Variants in ZBTB16 observed in about 807,000 individuals in gnomAD.
ZBTB16 encodes the protein zinc finger and BTB domain-containing protein 16.
ZBTB16 carries 8 observed loss-of-function variants against 56.8 expected under a neutral mutation model. That is an observed-to-expected ratio of 0.14 (90% CI 0.08 to 0.25). The LOEUF is 0.25. Among genes scored for constraint, ZBTB16 ranks in the 10% least tolerant of loss-of-function variants. The pLI, the probability that ZBTB16 is intolerant of heterozygous loss-of-function variation, is 1.00. For missense variants in ZBTB16, 625 were observed against 903.0 expected (o/e 0.69, Z 3.95); for synonymous variants, 363 against 368.5 (o/e 0.98, Z 0.17).
chr11:114,256,716 G>T lies in ZBTB16; in HGVS notation c.*6161G>T, dbSNP rs1222425055. On this transcript the variant is annotated 3_prime_UTR_variant, in exon 7 of 7. Coordinates refer to ENST00000335953, the MANE Select transcript of ZBTB16 (RefSeq NM_006006.6). ...CAGGGGAGGGGATGGGTGGGAGGTG[G>T]CCGTGCAAGCTCTGCATTGTCATGG... 6.6e-6 allele frequency among the ~76,000 whole-genome samples: 1 copy of T among 152,180 alleles called. No individual in the cohort carries two copies. The highest frequency in any genetic ancestry group is 1.5e-5 in the Non-Finnish European group (1 of 68,034).
chr11:114,061,247 G>T (rs1938845490), intron 1 of ZBTB16: 1 of 152,140 alleles, frequency 6.6e-6, no homozygotes, highest in South Asian at 2.1e-4. Context: ...AGCGCCAGCC[G>T]GATCGCGGGC....
intron 2 of ZBTB16, among the ~76,000 whole-genome samples, chr11:114,114,930 G>T (rs888639041): frequency 6.6e-6 from 1 of 152,128 alleles, no homozygotes; most frequent in South Asian, 2.1e-4. Flanking sequence ...TGATCCTCCC[G>T]CCTCGGCCTC....
At chr11:114,080,771 C>T (rs1040675138) in intron 2 of ZBTB16, among the ~76,000 whole-genome samples, 6 of 152,148 alleles carry the variant, frequency 3.9e-5, no homozygotes, top group Admixed American at 2.0e-4. Flanking sequence ...TTCTGGCTAA[C>T]GAGAGGGACT....
At chr11:114,175,595 G>A (rs981703340) in intron 3 of ZBTB16, among the ~76,000 whole-genome samples, 2 of 151,848 alleles carry the variant, frequency 1.3e-5, no homozygotes, top group South Asian at 2.1e-4. Flanking sequence ...AGCTGGGAGA[G>A]GACAGGGGAT....
At chr11:114,205,713 C>A (rs778062874) in intron 4 of ZBTB16, among the ~76,000 whole-genome samples, 1 of 152,172 alleles carries the variant, frequency 6.6e-6, no homozygotes, top group African/African-American at 2.4e-5. Context: ...AGATAACATT[C>A]TTTTTCTGCA....
In ZBTB16 at chr11:114,097,069, A is replaced by AAATTGAC. The variant is rs1234015158; in HGVS notation, c.1268+32504_1268+32510dup. Among the ~76,000 whole-genome samples the AAATTGAC allele has an allele frequency of 5.3e-5, 8 of 152,356 alleles. No individual in the cohort carries two copies. The South Asian group carries it at 1.2e-3, about 24-fold the overall frequency. On this transcript the variant is annotated intron_variant, in intron 2 of 6. Coordinates refer to ENST00000335953, the MANE Select transcript of ZBTB16 (RefSeq NM_006006.6). ...TTCAAATGTTCATTGACCCATGGATAAATTGACAAAATGTGGTATATACAT... is the reference window on the plus strand; with the variant it reads ...TTCAAATGTTCATTGACCCATGGATAAATTGACAATTGACAAAATGTGGTATATACAT...
At chr11:114,226,044 C>T (rs1228088035) in intron 4 of ZBTB16, among the ~76,000 whole-genome samples, 1 of 152,182 alleles carries the variant, frequency 6.6e-6, no homozygotes. Flanking sequence ...GACTTCAACA[C>T]CGAGGCTCTT....
chr11:114,246,239 C>T lies in ZBTB16; in HGVS notation c.1625-959C>T, dbSNP rs78311309. On this transcript the variant is annotated intron_variant, in intron 5 of 6. Coordinates refer to ENST00000335953, the MANE Select transcript of ZBTB16 (RefSeq NM_006006.6). ...TTCTTATCCTGGTGGTGCTTCCATG[C>T]TGGAGGTATGGTGGGCAAGCCAGTA... Among the ~76,000 whole-genome samples, 319 of 152,260 alleles carry T rather than the reference C, an allele frequency of 2.1e-3. 1 individual carries two copies. Among genetic ancestry groups the T allele is most frequent in the Non-Finnish European group, 3.2e-3 (221 of 68,032 alleles).
At chr11:114,077,342 AG>A (rs1244437991) in intron 2 of ZBTB16, among the ~76,000 whole-genome samples, 2 of 152,068 alleles carry the variant, frequency 1.3e-5, no homozygotes, top group African/African-American at 2.4e-5. Context: ...AATAATGAGA[AG>A]GGTTTGAAAA....
chr11:114,085,174 C>T (rs760242280), intron 2 of ZBTB16, among the ~76,000 whole-genome samples: 3 of 152,170 alleles, frequency 2.0e-5, no homozygotes, highest in Non-Finnish European at 2.9e-5. Flanking sequence ...TCCATCTCAG[C>T]CCAGTGCATG....
intron 4 of ZBTB16, among the ~76,000 whole-genome samples, chr11:114,215,616 C>A (rs1412789410): frequency 6.6e-6 from 1 of 152,244 alleles, no homozygotes; most frequent in African/African-American, 2.4e-5. Flanking sequence ...GCCGCAGCAG[C>A]CGCATTAGGT....
chr11:114,170,789 G>T (rs1312149915), intron 3 of ZBTB16, among the ~76,000 whole-genome samples: 2 of 152,214 alleles, frequency 1.3e-5, no homozygotes, highest in Non-Finnish European at 2.9e-5. Context: ...AATTATGAAA[G>T]ACCACAGTCA....
At chr11:114,067,158 C>G (rs1939149690) in intron 2 of ZBTB16, among the ~76,000 whole-genome samples, 1 of 152,166 alleles carries the variant, frequency 6.6e-6, no homozygotes, top group African/African-American at 2.4e-5. Flanking sequence ...CTGTGATGGG[C>G]ACATAGTCAC....
chr11:114,169,890 G>A (rs1241058308), intron 3 of ZBTB16, among the ~76,000 whole-genome samples: 1 of 152,146 alleles, frequency 6.6e-6, no homozygotes, highest in Non-Finnish European at 1.5e-5. Context: ...TACCTTTCTG[G>A]ACAAGAGGAA....
intron 3 of ZBTB16, among the ~76,000 whole-genome samples, chr11:114,159,129 C>T (rs974434301): frequency 5.9e-5 from 9 of 152,224 alleles, no homozygotes; most frequent in African/African-American, 1.2e-4. Context: ...CAGGTGGGCC[C>T]GGTGTCCCCA....
At chr11:114,229,352 A>G (rs1049517667) in intron 4 of ZBTB16, among the ~76,000 whole-genome samples, 2 of 152,218 alleles carry the variant, frequency 1.3e-5, no homozygotes, top group South Asian at 4.1e-4. Flanking sequence ...TTTGTGGGAT[A>G]GAGAACAGCT....
intron 2 of ZBTB16, among the ~76,000 whole-genome samples, chr11:114,087,703 C>T (rs1008140951): frequency 3.3e-5 from 5 of 152,212 alleles, no homozygotes; most frequent in African/African-American, 1.2e-4. Context: ...CTGCTCTGAA[C>T]CCTGCAGTGG....
chr11:114,183,379 T>C (rs1221553677), intron 3 of ZBTB16, among the ~76,000 whole-genome samples: 2 of 152,206 alleles, frequency 1.3e-5, no homozygotes, highest in African/African-American at 4.8e-5. Context: ...TTCATCTTCC[T>C]CTGCACTTGT....
At chr11:114,079,330 G>A (rs1043274918) in intron 2 of ZBTB16, among the ~76,000 whole-genome samples, 2 of 152,198 alleles carry the variant, frequency 1.3e-5, no homozygotes, top group African/African-American at 2.4e-5. Context: ...CTGTAGCCCT[G>A]TTATGGCCCG....
Sources: gnomAD v4.1 joint callset for allele counts (sites outside exome capture counted in the v4.1 genomes callset) on GRCh38, gnomAD v4.1.1 for gene constraint, MANE v1.5 for transcripts, NCBI Gene and HGNC (gene_info 2026-07-23, HGNC 2026-07-21) for gene names.